The following NPC1 variants were observed in gnomAD, a reference collection of about 807,000 sequenced individuals.
The protein encoded by NPC1 is Niemann-Pick C1 protein.
In NPC1, 85 loss-of-function variants were observed where a neutral mutation model predicts 140.4. That is an observed-to-expected ratio of 0.61 (90% CI 0.51 to 0.72). The LOEUF (loss-of-function observed/expected upper bound fraction) is 0.72. Among genes scored for constraint, NPC1 ranks in the 30% least tolerant of loss-of-function variants. The probability of loss-of-function intolerance (pLI) is 0.00; values close to 1 mark genes in which losing one functional copy is unlikely to be tolerated. For missense variants in NPC1, 1,504 were observed against 1,623.8 expected (o/e 0.93, Z 1.27); for synonymous variants, 656 against 624.8 (o/e 1.05, Z -0.74).
Position 23,544,949 on chromosome 18 carries a change from C to CA in NPC1, c.1947+10_1947+11insT, listed in dbSNP as rs1555634677. Reference sequence around the variant, plus strand: ...AACCTCTAGAACATACACCACCCCCCCCCGGCTTACCAGAAGCCTGCGACA... The same window carrying CA: ...AACCTCTAGAACATACACCACCCCCCACCCGGCTTACCAGAAGCCTGCGACA... On this transcript the variant is annotated intron_variant, in intron 12 of 24. Coordinates refer to ENST00000269228, the MANE Select transcript of NPC1 (RefSeq NM_000271.5). 53 of 1,402,104 alleles carry CA rather than the reference C, an allele frequency of 3.8e-5. 5 individuals are homozygous for CA. Among genetic ancestry groups the CA allele is most frequent in the Non-Finnish European group, 4.4e-5 (44 of 1,000,348 alleles). The allele number at this position is 1,402,104 out of a possible 1,614,324, so 86.9% of individuals were successfully genotyped here.
In NPC1 at chr18:23,524,180, C is replaced by T. The variant is rs747787855; in HGVS notation, c.164-1274G>A. Reference sequence around the variant, plus strand: ...TCCTGTTCCATGTAAACTCTGTATCCTTTACTAAGGTGTGGCACCGTGCAC... The same window carrying T: ...TCCTGTTCCATGTAAACTCTGTATCTTTTACTAAGGTGTGGCACCGTGCAC... On this transcript the variant is annotated intron_variant, in intron 1 of 1. Transcript: ENST00000590723. 20 of 1,613,490 alleles carry T rather than the reference C, an allele frequency of 1.2e-5. 1 individual carries two copies. In the South Asian group the frequency reaches 2.0e-4, roughly 16 times the overall value.
intron 9 of NPC1, among the ~76,000 whole-genome samples, chr18:23,552,667 C>T (rs907498098): frequency 3.3e-5 from 5 of 152,200 alleles, no homozygotes; most frequent in Non-Finnish European, 7.3e-5. Context: ...GAGAGTGAAC[C>T]AGCATTTTCG....
At chr18:23,527,395 A>G (rs970125013), downstream of NPC1, among the ~76,000 whole-genome samples, 1 of 151,656 alleles carries the variant, frequency 6.6e-6, no homozygotes, top group African/African-American at 2.4e-5. Context: ...AAGACCCTGT[A>G]TCCAAAAAAA....
At chr18:23,551,520 TAAC>T in intron 10 of NPC1, 104 bp downstream of exon 10, 1 of 897,866 alleles carries the variant, frequency 1.1e-6, no homozygotes, top group Non-Finnish European at 1.9e-6. Context: ...GGTAAGAAAT[TAAC>T]AAAACTGCCC....
At chr18:23,543,928 C>T (rs961181606) in intron 13 of NPC1, among the ~76,000 whole-genome samples, 11 of 152,244 alleles carry the variant, frequency 7.2e-5, no homozygotes, top group Admixed American at 6.5e-4. Flanking sequence ...CAGCGGGACA[C>T]GTGTTGACCT....
rs1218652914 is a variant in NPC1, at chr18:23,539,917, G to A, written c.2689C>T (p.His897Tyr). The A allele has an allele frequency of 1.2e-6, 2 of 1,614,094 alleles. No individual in the cohort carries two copies. Among genetic ancestry groups the A allele is most frequent in the Admixed American group, 1.7e-5 (1 of 60,020 alleles). Residue 897 changes from histidine (H) to tyrosine (Y), a missense_variant, in exon 18 of 25, where the codon CAC (histidine) becomes TAC (tyrosine). Coordinates refer to ENST00000269228, the MANE Select transcript of NPC1 (RefSeq NM_000271.5). ...TGCCCCTTGGAAGAAGTGTAGTCGT[G>A]CCCTTCCTCCAGGACAAAGTACACA... ...PPVYFVLEEG[H>Y]DYTSSKGQNM...
intron 3 of NPC1, chr18:23,509,221 G>A: frequency 1.4e-6 from 2 of 1,458,512 alleles, no homozygotes; most frequent in Non-Finnish European, 1.8e-6. Flanking sequence ...CTAGGATTCT[G>A]CTGGACTAGT....
chr18:23,551,983 A>G (rs2058879587), intron 9 of NPC1, among the ~76,000 whole-genome samples: 1 of 152,196 alleles, frequency 6.6e-6, no homozygotes, highest in Admixed American at 6.5e-5. Flanking sequence ...CAGAGGAGGG[A>G]GCAAACACTA....
At chr18:23,511,841 TAGAG>T (rs1235606773) in intron 3 of NPC1, among the ~76,000 whole-genome samples, 1 of 152,048 alleles carries the variant, frequency 6.6e-6, no homozygotes, top group Non-Finnish European at 1.5e-5. Context: ...TTCTTTATAT[TAGAG>T]GGAGAGTTGC....
At chr18:23,521,659 A>G (rs2058143474), downstream of NPC1, among the ~76,000 whole-genome samples, 1 of 150,706 alleles carries the variant, frequency 6.6e-6, no homozygotes, top group Non-Finnish European at 1.5e-5. Flanking sequence ...TGATTTTAAG[A>G]TAGAACTGAA....
chr18:23,563,767 T>C (rs749779099), intron 4 of NPC1, among the ~76,000 whole-genome samples: 9 of 152,150 alleles, frequency 5.9e-5, no homozygotes, highest in Non-Finnish European at 1.3e-4. Flanking sequence ...CACAGCCTTG[T>C]CAACACTTCT....
intron 10 of NPC1, among the ~76,000 whole-genome samples, chr18:23,550,257 C>T (rs2058849544): frequency 6.6e-6 from 1 of 151,866 alleles, no homozygotes; most frequent in Non-Finnish European, 1.5e-5. Context: ...GTGATGTGCT[C>T]GCCTCTGCCT....
intron 3 of NPC1, chr18:23,506,895 T>G (rs2057730592): frequency 3.9e-6 from 4 of 1,023,560 alleles, no homozygotes; most frequent in Non-Finnish European, 6.0e-6. Flanking sequence ...ATAGATTGTG[T>G]CTTTTGCCTT....
At chr18:23,526,816 G>A (rs908050964), downstream of NPC1, 9 of 1,591,836 alleles carry the variant, frequency 5.7e-6, no homozygotes, top group Non-Finnish European at 6.8e-6. Flanking sequence ...GGCCTGTGCT[G>A]CCCAACACTT....
At chr18:23,559,524 C>A (rs528554232) in intron 6 of NPC1, among the ~76,000 whole-genome samples, 5 of 115,188 alleles carry the variant, frequency 4.3e-5, no homozygotes, top group African/African-American at 1.8e-4. Flanking sequence ...TTTGGTGAGA[C>A]ACAGTCTCGC....
At position 23,560,212 on chromosome 18, in the gene NPC1, G is replaced by T; in HGVS notation, c.881+19C>A. 2 of 1,613,874 alleles carry T rather than the reference G, an allele frequency of 1.2e-6. No individual in the cohort carries two copies. Among genetic ancestry groups the T allele is most frequent in the South Asian group, 2.2e-5 (2 of 90,966 alleles). On this transcript the variant is annotated intron_variant, in intron 6 of 24. Coordinates refer to ENST00000269228, the MANE Select transcript of NPC1 (RefSeq NM_000271.5). ...CAATTTTGCTCTTTTTGCCCTGGATGACAAACAAAACTGCTTACCTGTAGC... is the reference window on the plus strand; with the variant it reads ...CAATTTTGCTCTTTTTGCCCTGGATTACAAACAAAACTGCTTACCTGTAGC...
At chr18:23,540,255 G>A (rs1259789811) in intron 17 of NPC1, among the ~76,000 whole-genome samples, 193 bp downstream of exon 17, 1 of 152,140 alleles carries the variant, frequency 6.6e-6, no homozygotes, top group East Asian at 1.9e-4. Flanking sequence ...GCTGTGCCCA[G>A]AGGGGCTCAG....
intron 4 of NPC1, among the ~76,000 whole-genome samples, chr18:23,565,246 G>T (rs1420514042): frequency 2.0e-5 from 3 of 152,234 alleles, no homozygotes; most frequent in Non-Finnish European, 4.4e-5. Context: ...ACAATTTGGA[G>T]AATACTGATA....
downstream of NPC1, among the ~76,000 whole-genome samples, chr18:23,530,816 G>A (rs757371066): frequency 4.6e-5 from 7 of 152,190 alleles, no homozygotes; most frequent in East Asian, 5.8e-4. Context: ...GGAACTCACC[G>A]AGGAGGTGTG....
Sources: gnomAD v4.1 joint callset for allele counts (sites outside exome capture counted in the v4.1 genomes callset) on GRCh38, gnomAD v4.1.1 for gene constraint, MANE v1.5 for transcripts, NCBI Gene and HGNC (gene_info 2026-07-23, HGNC 2026-07-21) for gene names.